CIC: variants seen among roughly 807,000 people sequenced by gnomAD.
CIC encodes capicua transcriptional repressor.
A neutral mutation model predicts 115.7 loss-of-function variants in CIC; 18 were observed. The ratio of observed to expected loss-of-function variants is 0.16; its 90% CI spans 0.11 to 0.23. CIC has a LOEUF of 0.23. CIC is among the 10% of genes least tolerant of loss of function. The probability of loss-of-function intolerance (pLI) is 1.00; values close to 1 mark genes in which losing one functional copy is unlikely to be tolerated. For synonymous variants in CIC, 1,076 were observed against 923.0 expected (o/e 1.17, Z -3.01); for missense variants, 2,000 against 2,159.3 (o/e 0.93, Z 1.46).
chr19:42,285,112 G>C (rs1172334632), intron 2 of CIC, among the ~76,000 whole-genome samples: 2 of 152,118 alleles, frequency 1.3e-5, no homozygotes, highest in Non-Finnish European at 2.9e-5. Context: ...GGCTTGGATT[G>C]GGTAGTGGGG....
Position 42,292,525 on chromosome 19 carries a change from G to C in CIC, c.5903-41G>C, listed in dbSNP as rs1337326641. 6 of 1,612,002 alleles carry C rather than the reference G, an allele frequency of 3.7e-6. No homozygotes were observed. In the East Asian group the frequency reaches 1.3e-4, roughly 36 times the overall value. ...CCAGGGTGGGGCTGAGGCAGTCCGG[G>C]CCCTAACTTGGTCTCCTGCTTCTTC... On this transcript the variant is annotated intron_variant, in intron 14 of 20. Coordinates refer to ENST00000681038, the MANE Select transcript of CIC (RefSeq NM_001386298.1).
rs763655131 is a variant in CIC at position 42,293,947 on chromosome 19, A to G, written c.6780A>G (p.Ser2260=). 8 of 1,613,238 alleles carry G rather than the reference A, an allele frequency of 5.0e-6. No homozygotes were observed. The Admixed American group carries it at 1.2e-4, about 24-fold the overall frequency. ...GCCGGCCCTCCAGCAGGGTCCTGTC[A>G]GAAGTGGACTTCGAAGAGCGCTTTG... The part of the protein sequence containing the change: ...TFDSVDNRVL[S]EVDFEERFAE... The change falls in exon 18 of 21, where the codon TCA becomes TCG. Residue 2260 remains serine, a synonymous_variant. Coordinates refer to ENST00000681038, the MANE Select transcript of CIC (RefSeq NM_001386298.1).
chr19:42,293,491 A>C, intron 16 of CIC, 101 bp from the exon 17 acceptor site: 2 of 1,582,496 alleles, frequency 1.3e-6, no homozygotes, highest in Non-Finnish European at 1.7e-6. Context: ...AGCCTTCTCA[A>C]GGGGTCTGCT....
Position 42,289,265 on chromosome 19 carries a change from G to A in CIC, c.3946G>A (p.Gly1316Arg). 1 of 1,613,824 alleles carries A rather than the reference G, an allele frequency of 6.2e-7. No individual in the cohort carries two copies. The highest frequency in any genetic ancestry group is 8.5e-7 in the Non-Finnish European group (1 of 1,180,032). ...APGPFAAPGE[G>R]GALAATGRPP... is the part of the protein sequence containing the mutation. ...AGGACCCTTTGCAGCCCCTGGTGAG[G>A]GAGGTGCCTTGGCGGCCACTGGGCG... The change falls in exon 9 of 21, where the codon GGA becomes AGA. Residue 1316 changes from glycine (G) to arginine (R), a missense_variant. Physicochemically the swap from Gly to Arg is moderately radical, Grantham distance 125. This residue lies in a region of CIC where 1,466 missense variants were observed against 1,390.4 expected (regional missense o/e 1.05). Coordinates refer to ENST00000681038, the MANE Select transcript of CIC (RefSeq NM_001386298.1).
rs2147353963 is a variant in CIC, at chr19:42,294,835, G to A, written c.7198G>A (p.Ala2400Thr). 6.2e-7 allele frequency: 1 copy of A among 1,602,318 alleles called. No individual in the cohort carries two copies. The change falls in exon 21 of 21, where the codon GCC becomes ACC. Residue 2400 changes from alanine to threonine, a missense_variant. Ala to Thr is a moderately conservative substitution (Grantham distance 58, BLOSUM62 0). Around this residue, in one of 8 missense-constraint regions of CIC, gnomAD observed 17 missense variants for 17.8 expected, o/e 0.95. Transcript: ENST00000681038. ...TTTTCTATCTCCAGCCCAGGCCACA[G>A]CCGCCTTCCAGGCCCGCTATGCAGA... ...HGFFPSAQAT[A>T]AFQARYADIF...
intron 2 of CIC, among the ~76,000 whole-genome samples, chr19:42,281,132 C>A (rs1285457729): frequency 3.6e-5 from 1 of 28,014 alleles, no homozygotes; most frequent in Non-Finnish European, 7.0e-5. Flanking sequence ...CGACGCCGCC[C>A]GGGGTGGGTG....
At position 42,287,879 on chromosome 19, in the gene CIC, T is replaced by C; in HGVS notation, c.3562T>C (p.Ser1188Pro). The C allele has an allele frequency of 6.2e-7, 1 of 1,612,034 alleles. No homozygotes were observed. ...WCNKDRKKSS[S>P]EAKPTSLGLA... ...CAACAAGGACCGAAAGAAGTCCAGC[T>C]CAGAGGCCAAGCCCACGAGCCTGGG... The change falls in exon 7 of 21, where the codon TCA becomes CCA. Residue 1188 changes from serine (S) to proline (P), a missense_variant. This residue lies in a region of CIC where 38 missense variants were observed against 50.3 expected (regional missense o/e 0.76). Coordinates refer to ENST00000681038, the MANE Select transcript of CIC (RefSeq NM_001386298.1). This position sits in a 1 kb window ranked among gnomAD's most constrained non-coding sequence, Gnocchi z 8.7.
intron 9 of CIC, 83 bp downstream of exon 9, chr19:42,289,489 C>T (rs934358384): frequency 1.4e-6 from 2 of 1,418,010 alleles, no homozygotes; most frequent in Non-Finnish European, 1.9e-6. Flanking sequence ...ATCCAGGCCC[C>T]TAGGCCCCTT....
Position 42,284,603 on chromosome 19 carries a change from C to G in CIC, c.2795-2168C>G. 5.6e-6 allele frequency: 4 copies of G among 710,826 alleles called. No individual in the cohort carries two copies. The South Asian group carries it at 8.1e-5, about 14-fold the overall frequency. 44.0% of individuals were successfully genotyped at this position (710,826 alleles called of 1,614,324 possible). On this transcript the variant is annotated intron_variant, in intron 2 of 20. Coordinates refer to ENST00000681038, the MANE Select transcript of CIC (RefSeq NM_001386298.1). ...GCATGCGGCGACGGCCTCCCGCTCC[C>G]CCCGGGCCCAAGCGGCGACGGCCGA... is the stretch of plus-strand genomic sequence containing the variant.
intron 2 of CIC, 82 bp downstream of exon 2, chr19:42,274,659 C>T (rs921872210): frequency 5.0e-6 from 2 of 398,226 alleles, no homozygotes; most frequent in Non-Finnish European, 8.8e-6. Flanking sequence ...GAGGTGAGCT[C>T]CTCACCTTGG....
In CIC at chr19:42,287,495, A is replaced by G. The variant is rs2147192643; in HGVS notation, c.3309+46A>G. On this transcript the variant is annotated intron_variant, in intron 5 of 20. Coordinates refer to ENST00000681038, the MANE Select transcript of CIC (RefSeq NM_001386298.1). This position sits in a 1 kb window ranked among gnomAD's most constrained non-coding sequence, Gnocchi z 8.7. ...CTGTGCTCACCCCGTGGCCACCCAC[A>G]CCTGTCTGCCAGGTCCTAACTGTCC... 1.2e-6 allele frequency: 2 copies of G among 1,612,234 alleles called. No individual in the cohort carries two copies. The highest frequency in any genetic ancestry group is 1.7e-6 in the Non-Finnish European group (2 of 1,180,014).
intron 16 of CIC, 58 bp downstream of exon 16, chr19:42,293,339 C>T (rs748516924): frequency 5.3e-5 from 80 of 1,502,594 alleles, no homozygotes; most frequent in Middle Eastern, 2.0e-4. Flanking sequence ...TCTCCATTGA[C>T]GTCTTTGCTT....
rs1405771131 is a variant in CIC at position 42,290,446 on chromosome 19, C to G, written c.4405C>G (p.Gln1469Glu). Residue 1469 changes from glutamine to glutamate, a missense_variant, in exon 11 of 21, where the codon CAG becomes GAG. By Grantham distance (29) the Gln-to-Glu change is conservative. Around this residue, in one of 8 missense-constraint regions of CIC, gnomAD observed 1,466 missense variants for 1,390.4 expected, o/e 1.05. Coordinates refer to ENST00000681038, the MANE Select transcript of CIC (RefSeq NM_001386298.1). Reference sequence around the variant, plus strand: ...ACTGGGCTCAGGAACCTTCAAGGCCCAGGAGTCTGGTCAGGGCAGCACAGC... The same window carrying G: ...ACTGGGCTCAGGAACCTTCAAGGCCGAGGAGTCTGGTCAGGGCAGCACAGC... Reference protein sequence around the residue: ...FSLGSGTFKAQESGQGSTAGP... With the variant: ...FSLGSGTFKAEESGQGSTAGP... 1 of 1,613,944 alleles carries G rather than the reference C, an allele frequency of 6.2e-7. No individual in the cohort carries two copies. The highest frequency in any genetic ancestry group is 8.5e-7 in the Non-Finnish European group (1 of 1,179,970).
chr19:42,285,423 G>T (rs371567884), intron 2 of CIC, among the ~76,000 whole-genome samples: 1 of 152,172 alleles, frequency 6.6e-6, no homozygotes, highest in African/African-American at 2.4e-5. Flanking sequence ...GTTTTCAGGG[G>T]TAAGGGACAG....
rs369992088 is a variant in CIC at position 42,293,253 on chromosome 19, G to A, written c.6494G>A (p.Arg2165Gln). ...SPPLPPPAEE[R>Q]TSAKGPETMA... Reference sequence around the variant, plus strand: ...CCACTGCCCCCACCTGCTGAGGAGCGGACCAGCGCCAAGGGCCCTGAGACC... The same window carrying A: ...CCACTGCCCCCACCTGCTGAGGAGCAGACCAGCGCCAAGGGCCCTGAGACC... The change falls in exon 16 of 21, where the codon CGG (arginine) becomes CAG (glutamine). Residue 2165 changes from arginine (R) to glutamine (Q), a missense_variant. Arg to Gln is a conservative substitution (Grantham distance 43). Around this residue, in one of 8 missense-constraint regions of CIC, gnomAD observed 1,466 missense variants for 1,390.4 expected, o/e 1.05. Transcript: ENST00000681038. The A allele has an allele frequency of 1.8e-5, 29 of 1,586,840 alleles. No individual in the cohort carries two copies. Among genetic ancestry groups the A allele is most frequent in the Non-Finnish European group, 2.3e-5 (27 of 1,168,648 alleles).
At position 42,293,990 on chromosome 19, in the gene CIC, C is replaced by T. The variant is rs2038341592; in HGVS notation, c.6823C>T (p.Arg2275Trp). 1 of 1,613,486 alleles carries T rather than the reference C, an allele frequency of 6.2e-7. No homozygotes were observed. The highest frequency in any genetic ancestry group is 1.3e-5 in the African/African-American group (1 of 74,902). ...EERFAELPEF[R>W]PEEVLPSPTL... is the part of the protein sequence containing the mutation. ...GCGCTTTGCTGAGTTGCCTGAGTTT[C>T]GGCCTGAGGAGGTGCTGCCCTCCCC... The change falls in exon 18 of 21, where the codon CGG becomes TGG. Residue 2275 changes from arginine (R) to tryptophan (W), a missense_variant. Arg to Trp is a moderately radical substitution (Grantham distance 101). Around this residue, in one of 8 missense-constraint regions of CIC, gnomAD observed 99 missense variants for 217.6 expected, o/e 0.45. Transcript: ENST00000681038.
intron 8 of CIC, 24 bp downstream of exon 8, chr19:42,289,114 G>A (rs1480714059): frequency 1.2e-6 from 2 of 1,613,324 alleles, no homozygotes; most frequent in East Asian, 2.2e-5. Flanking sequence ...GCCCCCTAGT[G>A]GGGGTGGGCA....
In CIC at chr19:42,290,952, G is replaced by A. The variant is rs1485744368; in HGVS notation, c.4911G>A (p.Val1637=). The change falls in exon 11 of 21, where the codon GTG becomes GTA. Residue 1637 remains valine (V), a synonymous_variant. Transcript: ENST00000681038. ...PGGSPLGVSL[V]YSDKKSAAAT... ...GCTCCCCGCTGGGTGTCAGCTTAGT[G>A]TATTCGGACAAGAAGTCGGCAGCAG... The A allele has an allele frequency of 3.1e-6, 5 of 1,613,598 alleles. No homozygotes were observed. In the Admixed American group the frequency reaches 6.7e-5, roughly 22 times the overall value.
In CIC at chr19:42,288,985, A is replaced by G; in HGVS notation, c.3756A>G (p.Thr1252=). Residue 1252 remains threonine (T), a synonymous_variant, in exon 8 of 21, where the codon ACA becomes ACG. Coordinates refer to ENST00000681038, the MANE Select transcript of CIC (RefSeq NM_001386298.1). ...SSSCGAERLH[T]VGGPGSARPR... is the part of the protein sequence containing the mutation. ...CCTGTGGGGCAGAACGGCTACACAC[A>G]GTTGGGGGACCTGGCTCAGCCCGGC... 1 of 1,613,944 alleles carries G rather than the reference A, an allele frequency of 6.2e-7. No individual in the cohort carries two copies. The highest frequency in any genetic ancestry group is 1.6e-4 in the Middle Eastern group (1 of 6,062).
Sources: allele counts gnomAD v4.1 joint callset (sites outside exome capture counted in the v4.1 genomes callset), GRCh38; gene constraint gnomAD v4.1.1; regional missense constraint gnomAD v4.1.1; non-coding constraint Gnocchi (gnomAD v3.1); transcripts MANE v1.5; gene names NCBI Gene and HGNC (gene_info 2026-07-23, HGNC 2026-07-21).